The following ARID2 variants were observed in gnomAD, a reference collection of about 807,000 sequenced individuals.
ARID2 encodes the protein AT-rich interactive domain-containing protein 2.
Under a neutral mutation model 184.6 loss-of-function variants are expected in ARID2, and 32 were observed. The ratio of observed to expected loss-of-function variants is 0.17; its 90% CI spans 0.13 to 0.23. The LOEUF is 0.23. Ranked by LOEUF, ARID2 falls within the 10% of genes least tolerant of loss-of-function variation. The pLI, the probability that ARID2 is intolerant of heterozygous loss-of-function variation, is 1.00. For missense variants in ARID2, 1,696 were observed against 2,197.6 expected, an observed-to-expected ratio of 0.77 and a Z score of 4.56; for synonymous variants, 836 against 772.6, an observed-to-expected ratio of 1.08 and a Z score of -1.36.
At chr12:45,796,231 G>A (rs1942390511) in intron 3 of ARID2, among the ~76,000 whole-genome samples, 2 of 151,818 alleles carry the variant, frequency 1.3e-5, no homozygotes, top group South Asian at 4.2e-4. Context: ...TATTTAAATA[G>A]AATCATACTG....
chr12:45,798,948 T>C (rs1241022918), intron 3 of ARID2, among the ~76,000 whole-genome samples: 1 of 151,692 alleles, frequency 6.6e-6, no homozygotes, highest in Non-Finnish European at 1.5e-5. Flanking sequence ...AATTATATAC[T>C]TATAATTAAG....
At chr12:45,882,936 T>C (rs913644856) in intron 16 of ARID2, among the ~76,000 whole-genome samples, 2 of 152,242 alleles carry the variant, frequency 1.3e-5, no homozygotes, top group Non-Finnish European at 2.9e-5. Flanking sequence ...GATTCTAAAG[T>C]CATCAGTTCT....
chr12:45,754,969 G>A (rs1941538545), intron 3 of ARID2, among the ~76,000 whole-genome samples: 1 of 152,158 alleles, frequency 6.6e-6, no homozygotes, highest in Non-Finnish European at 1.5e-5. Flanking sequence ...TGAAAGACTG[G>A]TTGGATTCAG....
intron 3 of ARID2, among the ~76,000 whole-genome samples, chr12:45,733,355 T>G (rs1169555758): frequency 1.3e-5 from 2 of 152,172 alleles, no homozygotes; most frequent in African/African-American, 4.8e-5. Context: ...AAATCTTAAT[T>G]GGCAGACAAG....
Position 45,893,718 on chromosome 12 carries a change from G to T in ARID2, c.5360G>T (p.Arg1787Leu). 1 of 1,585,246 alleles carries T rather than the reference G, an allele frequency of 6.3e-7. No individual in the cohort carries two copies. Among genetic ancestry groups the T allele is most frequent in the Non-Finnish European group, 8.5e-7 (1 of 1,169,834 alleles). The stretch of plus-strand genomic sequence containing the variant: ...ATTGGTAAATATTCAGAATGTGGTC[G>T]CAGGTGAGTAATATGTTTTCTGTAG... The part of the protein sequence containing the change: ...KNIGKYSECG[R>L]RLLKRHENNL... Residue 1787 changes from arginine (R) to leucine (L), a missense_variant, in exon 20 of 21, where the codon CGC becomes CTC. Arg to Leu is a moderately radical substitution (Grantham distance 102, BLOSUM62 -2). Around this residue, in one of 11 missense-constraint regions of ARID2, gnomAD observed 69 missense variants for 118.2 expected, o/e 0.58. Transcript: ENST00000334344.
intron 4 of ARID2, among the ~76,000 whole-genome samples, chr12:45,815,623 T>TGTG (rs1565606659): frequency 1.3e-5 from 2 of 148,466 alleles, no homozygotes; most frequent in African/African-American, 5.2e-5. Flanking sequence ...GTGTGTGTGT[T>TGTG]TTTAACTTTT....
chr12:45,847,673 A>G (rs1396448748), intron 12 of ARID2, among the ~76,000 whole-genome samples: 1 of 152,048 alleles, frequency 6.6e-6, no homozygotes, highest in Non-Finnish European at 1.5e-5. Flanking sequence ...GCCATTCACT[A>G]ACATTATTTG....
chr12:45,846,174 A>G (rs929640130), intron 11 of ARID2: 1 of 152,196 alleles, frequency 6.6e-6, no homozygotes, highest in Admixed American at 6.6e-5. Flanking sequence ...GTACATTTGT[A>G]TACAACCAGG....
chr12:45,809,204 T>TGA (rs1942658248), intron 3 of ARID2, among the ~76,000 whole-genome samples: 1 of 152,256 alleles, frequency 6.6e-6, no homozygotes, highest in Admixed American at 6.5e-5. Context: ...ATCTGTAGTC[T>TGA]GTTTTAACCA....
At chr12:45,745,887 G>C (rs1941346276) in intron 3 of ARID2, among the ~76,000 whole-genome samples, 1 of 151,922 alleles carries the variant, frequency 6.6e-6, no homozygotes, top group African/African-American at 2.4e-5. Flanking sequence ...CTTATACTAA[G>C]AGAGAAAAAA....
intron 16 of ARID2, 78 bp from the exon 17 acceptor site, chr12:45,891,702 A>G (rs1290929311): frequency 1.3e-6 from 2 of 1,496,470 alleles, no homozygotes; most frequent in Admixed American, 2.1e-5. Flanking sequence ...ACTTGGAAAT[A>G]TAAGCAGAGA....
At chr12:45,901,854 G>A (rs961962964) in intron 20 of ARID2, among the ~76,000 whole-genome samples, 1 of 152,034 alleles carries the variant, frequency 6.6e-6, no homozygotes, top group Admixed American at 6.5e-5. Flanking sequence ...CTGTAAGGTG[G>A]GGGGTGGGGG....
At chr12:45,838,776 TATAG>T (rs879590403) in intron 10 of ARID2, among the ~76,000 whole-genome samples, 88 of 151,390 alleles carry the variant, frequency 5.8e-4, no homozygotes, top group African/African-American at 1.9e-3. Context: ...AAAAAAAATA[TATAG>T]ATAGATAGAT....
chr12:45,749,481 C>T (rs1246321784), intron 3 of ARID2, among the ~76,000 whole-genome samples: 1 of 152,202 alleles, frequency 6.6e-6, no homozygotes, highest in Non-Finnish European at 1.5e-5. Flanking sequence ...TGAGCATTGG[C>T]TTTGACTTAA....
intron 3 of ARID2, among the ~76,000 whole-genome samples, chr12:45,801,505 C>G (rs7133123): frequency 0.086 from 13,083 of 151,958 alleles, 1,927 homozygotes; most frequent in African/African-American, 0.3. Flanking sequence ...CCTAGCAATC[C>G]CAACCTTAAC....
At chr12:45,843,043 A>C (rs1943381137) in intron 11 of ARID2, among the ~76,000 whole-genome samples, 1 of 152,148 alleles carries the variant, frequency 6.6e-6, no homozygotes, top group Non-Finnish European at 1.5e-5. Context: ...TATTTTTTAC[A>C]ATCATCTGAA....
chr12:45,861,042 T>C, intron 16 of ARID2, 93 bp downstream of exon 16: 1 of 1,255,452 alleles, frequency 8.0e-7, no homozygotes, highest in South Asian at 2.3e-5. Flanking sequence ...GCATGAAAAT[T>C]TTCCTTTAGA....
At chr12:45,731,892 A>C (rs921997153) in intron 3 of ARID2, among the ~76,000 whole-genome samples, 2 of 152,056 alleles carry the variant, frequency 1.3e-5, no homozygotes, top group African/African-American at 4.8e-5. Context: ...TTAGTAATTT[A>C]AATTAGATAA....
In ARID2 at chr12:45,846,705, GT is replaced by G. The variant is rs1449933586; in HGVS notation, c.1499-148del. 3 of 609,512 alleles carry G rather than the reference GT, an allele frequency of 4.9e-6. No homozygotes were observed. In the African/African-American group the frequency reaches 5.6e-5, roughly 11 times the overall value. The allele number at this position is 609,512 out of a possible 1,614,324, so 37.8% of individuals were successfully genotyped here. ...TGATATGTGCTCCATTATATATTAG[GT>G]TTGTTCTCAAATGTGTATACTTTCA... On this transcript the variant is annotated intron_variant, in intron 11 of 20. Transcript: ENST00000334344.
Sources: allele counts gnomAD v4.1 joint callset (sites outside exome capture counted in the v4.1 genomes callset), GRCh38; gene constraint gnomAD v4.1.1; regional missense constraint gnomAD v4.1.1; transcripts MANE v1.5; gene names NCBI Gene and HGNC (gene_info 2026-07-23, HGNC 2026-07-21).